Variants in CDYL2 observed in about 807,000 individuals in gnomAD.
CDYL2 encodes chromodomain Y-like protein 2.
Under a neutral mutation model 49.4 loss-of-function variants are expected in CDYL2, and 23 were observed. That is an observed-to-expected ratio of 0.47 (90% confidence interval 0.34 to 0.66). The LOEUF (loss-of-function observed/expected upper bound fraction) is 0.66, where lower values mean the gene tolerates loss of function less well. Ranked by LOEUF, CDYL2 falls within the 30% of genes least tolerant of loss-of-function variation. The probability of loss-of-function intolerance (pLI) is 0.01; values close to 1 mark genes in which losing one functional copy is unlikely to be tolerated. For synonymous variants in CDYL2, 360 were observed against 268.8 expected (o/e 1.34, Z -3.32); for missense variants, 678 against 656.4 (o/e 1.03, Z -0.36).
intron 2 of CDYL2, among the ~76,000 whole-genome samples, chr16:80,642,441 T>TA (rs1303074388): frequency 2.6e-5 from 4 of 151,990 alleles, no homozygotes; most frequent in African/African-American, 7.2e-5. Context: ...AGACTCCATC[T>TA]AAAAAAAATT....
chr16:80,639,526 T>C (rs189818573), intron 2 of CDYL2: 1 of 331,540 alleles, frequency 3.0e-6, no homozygotes, highest in African/African-American at 2.2e-5. Context: ...CAATAAAAAA[T>C]GAGTTATGAG....
chr16:80,788,519 C>G (rs1209859989), intron 1 of CDYL2, among the ~76,000 whole-genome samples: 1 of 152,210 alleles, frequency 6.6e-6, no homozygotes, highest in Non-Finnish European at 1.5e-5. Flanking sequence ...TAGTGTAACA[C>G]TCATTGACCT....
At chr16:80,673,023 A>C (rs909059213) in intron 2 of CDYL2, among the ~76,000 whole-genome samples, 2 of 152,166 alleles carry the variant, frequency 1.3e-5, no homozygotes, top group Non-Finnish European at 2.9e-5. Context: ...CCATCTCTAA[A>C]ATCAACAAGG....
intron 1 of CDYL2, among the ~76,000 whole-genome samples, chr16:80,707,313 C>T (rs963373364): frequency 2.0e-5 from 3 of 151,976 alleles, no homozygotes; most frequent in African/African-American, 7.2e-5. Context: ...AAAAAATTAA[C>T]ATAACTCATC....
chr16:80,702,958 G>GTTGTTATT (rs1904310773), intron 1 of CDYL2, among the ~76,000 whole-genome samples: 5 of 152,102 alleles, frequency 3.3e-5, no homozygotes, highest in Non-Finnish European at 4.4e-5. Context: ...ATTGCTTTAA[G>GTTGTTATT]CCACTAAGTC....
intron 1 of CDYL2, among the ~76,000 whole-genome samples, chr16:80,728,108 T>C (rs999276467): frequency 6.6e-6 from 1 of 152,218 alleles, no homozygotes; most frequent in African/African-American, 2.4e-5. Flanking sequence ...GGGAATGACT[T>C]TGACGAGCTG....
chr16:80,719,077 G>A (rs1164523188), intron 1 of CDYL2, among the ~76,000 whole-genome samples: 3 of 152,278 alleles, frequency 2.0e-5, no homozygotes, highest in Middle Eastern at 3.4e-3. Flanking sequence ...CCTTGGAAGC[G>A]AACATTACTC....
At chr16:80,780,487 C>G (rs1479849504) in intron 1 of CDYL2, among the ~76,000 whole-genome samples, 2 of 147,308 alleles carry the variant, frequency 1.4e-5, no homozygotes, top group Non-Finnish European at 3.0e-5. Flanking sequence ...TCACTGCAAG[C>G]TCCGCCTCCC....
chr16:80,653,414 G>A lies in CDYL2; in HGVS notation c.617-20178C>T, dbSNP rs184996993. On this transcript the variant is annotated intron_variant, in intron 2 of 6. Transcript: ENST00000570137. ...CAGGAGGTGGAGGTTGCAGTAAGCC[G>A]AGATCGCACCATTGCACTCCAGCCT... Among the ~76,000 whole-genome samples, 22 of 152,226 alleles carry A rather than the reference G, an allele frequency of 1.4e-4. No individual in the cohort carries two copies. In the East Asian group the frequency reaches 3.7e-3, roughly 25 times the overall value.
chr16:80,732,729 A>G (rs557025076), intron 1 of CDYL2, among the ~76,000 whole-genome samples: 63 of 152,326 alleles, frequency 4.1e-4, no homozygotes, highest in African/African-American at 1.2e-3. Context: ...CGGGCATTAC[A>G]TGAGATTTGA....
chr16:80,714,243 G>A (rs2142516037), intron 1 of CDYL2, among the ~76,000 whole-genome samples: 1 of 152,130 alleles, frequency 6.6e-6, no homozygotes, highest in East Asian at 1.9e-4. Flanking sequence ...ACTGCAAGCT[G>A]GGGGATACCT....
chr16:80,759,102 C>CTA (rs59240300), intron 1 of CDYL2, among the ~76,000 whole-genome samples: 1,823 of 63,254 alleles, frequency 0.029, 51 homozygotes, highest in East Asian at 0.063. Context: ...AAACCATATA[C>CTA]TATATATATA....
chr16:80,619,026 TG>T (rs1340091825), intron 4 of CDYL2, among the ~76,000 whole-genome samples: 1 of 152,238 alleles, frequency 6.6e-6, no homozygotes, highest in East Asian at 1.9e-4. Context: ...TGGTTCCTTC[TG>T]GAAGTTCTGA....
chr16:80,712,107 A>G (rs557959558), intron 1 of CDYL2, among the ~76,000 whole-genome samples: 135 of 146,074 alleles, frequency 9.2e-4, no homozygotes, highest in Middle Eastern at 3.6e-3. Context: ...ATGTGTATAT[A>G]TGTGTATATA....
intron 2 of CDYL2, among the ~76,000 whole-genome samples, chr16:80,679,414 C>A (rs945905858): frequency 3.3e-5 from 5 of 152,094 alleles, no homozygotes; most frequent in African/African-American, 7.2e-5. Context: ...GCCTGGAATC[C>A]AGCTGGGCCG....
rs1905998203 is a variant in CDYL2 at position 80,599,770 on chromosome 16, T to C, written c.*4618A>G. 1 of 152,176 alleles carries C rather than the reference T, an allele frequency of 6.6e-6. No individual in the cohort carries two copies. The highest frequency in any genetic ancestry group is 6.5e-5 in the Admixed American group (1 of 15,270). 9.4% of individuals were successfully genotyped at this position (152,176 alleles called of 1,614,324 possible). On this transcript the variant is annotated 3_prime_UTR_variant, in exon 7 of 7. Transcript: ENST00000570137. ...GGAAATGCCATTTGTTCAGAACAAATGATGGACCAGCAGCCTTCCCTATGA... is the reference window on the plus strand; with the variant it reads ...GGAAATGCCATTTGTTCAGAACAAACGATGGACCAGCAGCCTTCCCTATGA...
chr16:80,613,897 G>C (rs1906711928), intron 4 of CDYL2, among the ~76,000 whole-genome samples: 1 of 152,190 alleles, frequency 6.6e-6, no homozygotes, highest in African/African-American at 2.4e-5. Flanking sequence ...ACCTGCCTCA[G>C]CTTACCTCTC....
chr16:80,741,148 C>CAT (rs373047238), intron 1 of CDYL2, among the ~76,000 whole-genome samples: 202 of 149,236 alleles, frequency 1.4e-3, no homozygotes, highest in African/African-American at 4.4e-3. Context: ...AGCCCAGAAA[C>CAT]ATATATATAC....
intron 3 of CDYL2, among the ~76,000 whole-genome samples, chr16:80,629,395 G>A (rs998492243): frequency 6.6e-6 from 1 of 152,204 alleles, no homozygotes; most frequent in African/African-American, 2.4e-5. Context: ...AGGTGAACCG[G>A]CCTTGAGACA....
Sources: allele counts gnomAD v4.1 joint callset (sites outside exome capture counted in the v4.1 genomes callset), GRCh38; gene constraint gnomAD v4.1.1; transcripts MANE v1.5; gene names NCBI Gene and HGNC (gene_info 2026-07-23, HGNC 2026-07-21).